The following DTNA variants were observed in gnomAD, a reference collection of about 807,000 sequenced individuals.
The protein encoded by DTNA is dystrobrevin alpha.
A neutral mutation model predicts 100.7 loss-of-function variants in DTNA; 43 were observed. That is an observed-to-expected ratio of 0.43 (90% CI 0.33 to 0.55). The LOEUF (loss-of-function observed/expected upper bound fraction) is 0.55, where lower values mean the gene tolerates loss of function less well. Among genes scored for constraint, DTNA ranks in the 20% least tolerant of loss-of-function variants. The pLI is 0.04. For missense variants in DTNA, 798 were observed against 953.9 expected, an observed-to-expected ratio of 0.84 and a Z score of 2.15; for synonymous variants, 349 against 347.9, an observed-to-expected ratio of 1.00 and a Z score of -0.04.
At chr18:34,726,123 G>A (rs933223804) in intron 1 of DTNA, among the ~76,000 whole-genome samples, 6 of 152,084 alleles carry the variant, frequency 3.9e-5, no homozygotes, top group African/African-American at 1.4e-4. Flanking sequence ...AGGAGGGATA[G>A]CATTAGGAGA....
At chr18:34,632,820 TTC>T (rs1230839551) in intron 1 of DTNA, among the ~76,000 whole-genome samples, 1 of 152,198 alleles carries the variant, frequency 6.6e-6, no homozygotes, top group Admixed American at 6.6e-5. Context: ...AAATGAGATT[TTC>T]TTTTTCTGTT....
intron 1 of DTNA, among the ~76,000 whole-genome samples, chr18:34,693,269 T>C (rs2080039741): frequency 6.6e-6 from 1 of 152,194 alleles, no homozygotes; most frequent in Admixed American, 6.5e-5. Context: ...TTATTTCAAG[T>C]AATATCCTAA....
At chr18:34,499,447 G>A (rs1219772246) in intron 1 of DTNA, among the ~76,000 whole-genome samples, 1 of 152,170 alleles carries the variant, frequency 6.6e-6, no homozygotes, top group Non-Finnish European at 1.5e-5. Context: ...AACTACGATA[G>A]ACGTTCATGT....
chr18:34,518,572 C>T (rs1186370906), intron 1 of DTNA, among the ~76,000 whole-genome samples: 1 of 151,046 alleles, frequency 6.6e-6, no homozygotes, highest in African/African-American at 2.4e-5. Flanking sequence ...AGTCTATGAT[C>T]TATTTGGAGT....
intron 17 of DTNA, chr18:34,867,323 A>G: frequency 1.6e-6 from 2 of 1,230,558 alleles, no homozygotes; most frequent in Non-Finnish European, 2.0e-6. Context: ...GACAATAAAG[A>G]TAATGTATTA....
chr18:34,552,326 A>G (rs2045515731), intron 1 of DTNA, among the ~76,000 whole-genome samples: 1 of 151,800 alleles, frequency 6.6e-6, no homozygotes, highest in South Asian at 2.1e-4. Flanking sequence ...ATAGATCACT[A>G]TGTCATCACG....
At chr18:34,528,762 T>C (rs2042880843) in intron 1 of DTNA, among the ~76,000 whole-genome samples, 1 of 152,094 alleles carries the variant, frequency 6.6e-6, no homozygotes, top group African/African-American at 2.4e-5. Context: ...TTTTTAAACA[T>C]GAGCCTGCTT....
At chr18:34,886,873 G>T (rs905630543) in intron 22 of DTNA, among the ~76,000 whole-genome samples, 1 of 152,182 alleles carries the variant, frequency 6.6e-6, no homozygotes, top group Admixed American at 6.5e-5. Flanking sequence ...CTATCCTATT[G>T]TACTTTTTCT....
intron 1 of DTNA, among the ~76,000 whole-genome samples, chr18:34,585,114 C>G (rs765067850): frequency 6.6e-6 from 1 of 152,028 alleles, no homozygotes; most frequent in Admixed American, 6.6e-5. Context: ...TGCATGCTCG[C>G]CCACCCACCC....
intron 1 of DTNA, among the ~76,000 whole-genome samples, chr18:34,500,711 G>A (rs1324000169): frequency 1.3e-5 from 2 of 151,840 alleles, no homozygotes; most frequent in Non-Finnish European, 2.9e-5. Flanking sequence ...TGATCCACCT[G>A]TATCGGCCTC....
chr18:34,836,949 A>G (rs141976000), intron 11 of DTNA, among the ~76,000 whole-genome samples: 25 of 152,192 alleles, frequency 1.6e-4, no homozygotes, highest in Non-Finnish European at 2.9e-4. Flanking sequence ...TTAGTACTTC[A>G]TGGCCTGAAA....
intron 1 of DTNA, among the ~76,000 whole-genome samples, chr18:34,550,731 A>G (rs1472637952): frequency 6.6e-6 from 1 of 152,172 alleles, no homozygotes; most frequent in African/African-American, 2.4e-5. Flanking sequence ...ATTGTTATTC[A>G]GGGATCTTCA....
chr18:34,561,340 C>T (rs2046618455), intron 1 of DTNA, among the ~76,000 whole-genome samples: 1 of 152,136 alleles, frequency 6.6e-6, no homozygotes, highest in Non-Finnish European at 1.5e-5. Flanking sequence ...TTTTACAGAA[C>T]TTCTCAGTAC....
chr18:34,617,175 G>A (rs2055469938), intron 1 of DTNA, among the ~76,000 whole-genome samples: 1 of 152,096 alleles, frequency 6.6e-6, no homozygotes, highest in African/African-American at 2.4e-5. Flanking sequence ...TGTGTGGTAA[G>A]AGTGGGCATC....
Position 34,768,239 on chromosome 18 carries a change from C to T in DTNA, c.148+2198C>T, listed in dbSNP as rs115881014. Among the ~76,000 whole-genome samples the T allele has an allele frequency of 6.4e-3, 976 of 152,116 alleles. 5 individuals are homozygous for T. Among genetic ancestry groups the T allele is most frequent in the African/African-American group, 0.023 (936 of 41,486 alleles). Reference sequence around the variant, plus strand: ...TTAGAGCTTTGCCAAGCGGAGCCTTCCTTAGGCTCCTTTCAGGAGAGCTAG... The same window carrying T: ...TTAGAGCTTTGCCAAGCGGAGCCTTTCTTAGGCTCCTTTCAGGAGAGCTAG... On this transcript the variant is annotated intron_variant, in intron 3 of 22. Transcript: ENST00000444659.
chr18:34,602,616 G>T (rs140403464), intron 1 of DTNA, among the ~76,000 whole-genome samples: 1 of 152,054 alleles, frequency 6.6e-6, no homozygotes, highest in East Asian at 1.9e-4. Context: ...GGTGGCTCAT[G>T]TCTGTAATCC....
chr18:34,734,799 A>G (rs2089187045), intron 1 of DTNA, among the ~76,000 whole-genome samples: 1 of 152,212 alleles, frequency 6.6e-6, no homozygotes, highest in Admixed American at 6.5e-5. Context: ...GTGAATCAGA[A>G]GTGTCAAATG....
At chr18:34,568,723 A>G (rs1026313206) in intron 1 of DTNA, among the ~76,000 whole-genome samples, 1 of 152,058 alleles carries the variant, frequency 6.6e-6, no homozygotes, top group African/African-American at 2.4e-5. Context: ...TCCCAGGTTC[A>G]AGTGATTCTC....
At chr18:34,508,052 A>G (rs1237903380) in intron 1 of DTNA, among the ~76,000 whole-genome samples, 1 of 152,184 alleles carries the variant, frequency 6.6e-6, no homozygotes, top group Non-Finnish European at 1.5e-5. Flanking sequence ...ATTAATGATT[A>G]TGCAATTATT....
Sources: allele counts gnomAD v4.1 joint callset (sites outside exome capture counted in the v4.1 genomes callset), GRCh38; gene constraint gnomAD v4.1.1; transcripts MANE v1.5; gene names NCBI Gene and HGNC (gene_info 2026-07-23, HGNC 2026-07-21).